The following USP9X variants were observed in gnomAD, a reference collection of about 807,000 sequenced individuals.
USP9X encodes the protein ubiquitin carboxyl-terminal hydrolase 9X.
In USP9X, 7 loss-of-function variants were observed where a neutral mutation model predicts 190.3. That is an observed-to-expected ratio of 0.04 (90% CI 0.02 to 0.07). The LOEUF is 0.07. Ranked by LOEUF, USP9X falls within the 10% of genes least tolerant of loss-of-function variation. The pLI, the probability that USP9X is intolerant of heterozygous loss-of-function variation, is 1.00. For missense variants in USP9X, 1,010 were observed against 1,916.9 expected (o/e 0.53, Z 8.83); for synonymous variants, 645 against 659.5 (o/e 0.98, Z 0.34).
chrX:41,136,131 A>G (rs1601961787), intron 5 of USP9X, among the ~76,000 whole-genome samples: 2 of 112,178 alleles, frequency 1.8e-5, no homozygotes, highest in Middle Eastern at 9.3e-3. Flanking sequence ...TAGCAAATTT[A>G]TCTTGGATGA....
intron 31 of USP9X, among the ~76,000 whole-genome samples, chrX:41,202,320 G>T (rs143430855): frequency 1.8e-5 from 2 of 112,054 alleles, no homozygotes; most frequent in African/African-American, 6.5e-5. Flanking sequence ...AAGTTGAGTT[G>T]TAGTGGCGAA....
intron 1 of USP9X, among the ~76,000 whole-genome samples, chrX:41,095,556 G>T (rs1176575450): frequency 1.8e-5 from 2 of 112,098 alleles, no homozygotes; most frequent in African/African-American, 6.5e-5. Flanking sequence ...CAATGCAAGT[G>T]TGAAAGTATA....
At position 41,118,014 on chromosome X, in the gene USP9X, C is replaced by T. The variant is rs747558599; in HGVS notation, c.-158-5457C>T. The stretch of plus-strand genomic sequence containing the variant: ...CTGGGATTACAGGTGTGCGCCACCA[C>T]GCCCAGCTAATTTTTGTATTTTTAG... On this transcript the variant is annotated intron_variant, in intron 1 of 44. Coordinates refer to ENST00000378308, the MANE Select transcript of USP9X (RefSeq NM_001039591.3). 2.8e-3 allele frequency among the ~76,000 whole-genome samples: 311 copies of T among 111,265 alleles called. 2 individuals are homozygous for T. The highest frequency in any genetic ancestry group is 4.5e-3 in the Non-Finnish European group (241 of 52,999).
In USP9X at chrX:41,130,221, T is replaced by C. The variant is rs1208519778; in HGVS notation, c.242+1076T>C. On this transcript the variant is annotated intron_variant, in intron 3 of 44. Transcript: ENST00000378308. Reference sequence around the variant, plus strand: ...AAATTCCATTGTTTTTAATTATATATTTATAAGAATACATTGTGTGATTCT... The same window carrying C: ...AAATTCCATTGTTTTTAATTATATACTTATAAGAATACATTGTGTGATTCT... Among the ~76,000 whole-genome samples the C allele has an allele frequency of 4.5e-5, 5 of 111,504 alleles. No individual in the cohort carries two copies. In the East Asian group the frequency reaches 1.4e-3, roughly 31 times the overall value.
chrX:41,134,162 C>T lies in USP9X; in HGVS notation c.323-563C>T, dbSNP rs779336390. 6.2e-5 allele frequency among the ~76,000 whole-genome samples: 7 copies of T among 112,202 alleles called. No individual in the cohort carries two copies. In the South Asian group the frequency reaches 2.6e-3, roughly 41 times the overall value. ...TAAATTACCATCTCTTTTGTACTAT[C>T]AATCAAATAATACTTTCTGTACAAA... On this transcript the variant is annotated intron_variant, in intron 4 of 44. Transcript: ENST00000378308.
chrX:41,208,861 C>T (rs749625931), intron 32 of USP9X, among the ~76,000 whole-genome samples: 53 of 110,345 alleles, frequency 4.8e-4, no homozygotes, highest in Non-Finnish European at 6.8e-4. Context: ...GCGCCTGCCA[C>T]CAATGCCCAG....
In USP9X at chrX:41,153,070, T is replaced by C; in HGVS notation, c.1886T>C (p.Leu629Pro). 2 of 1,207,311 alleles carry C rather than the reference T, an allele frequency of 1.7e-6. No homozygotes were observed. The highest frequency in any genetic ancestry group is 2.2e-6 in the Non-Finnish European group (2 of 893,401). Residue 629 changes from leucine to proline, a missense_variant, in exon 14 of 45, where the codon CTA becomes CCA. By Grantham distance (98) the Leu-to-Pro change is moderately conservative. Around this residue, in one of 11 missense-constraint regions of USP9X, gnomAD observed 104 missense variants for 239.8 expected, o/e 0.43. Coordinates refer to ENST00000378308, the MANE Select transcript of USP9X (RefSeq NM_001039591.3). ...NLATYMESMR[L>P]YARDHEDYDP... ...GCAACTTACATGGAAAGCATGAGACTATATGCTAGAGGTATGTATTGTAAG... is the reference window on the plus strand; with the variant it reads ...GCAACTTACATGGAAAGCATGAGACCATATGCTAGAGGTATGTATTGTAAG...
In USP9X at chrX:41,232,655, A is replaced by G. The variant is rs2063371612; in HGVS notation, c.*131A>G. 2 of 909,221 alleles carry G rather than the reference A, an allele frequency of 2.2e-6. No individual in the cohort carries two copies. The highest frequency in any genetic ancestry group is 3.0e-6 in the Non-Finnish European group (2 of 672,063). 74.9% of individuals were successfully genotyped at this position (909,221 alleles called of 1,213,427 possible). A position where few individuals can be genotyped will look rare whatever the true frequency, so the allele number is the denominator to read the frequency against. ...TCAACATGGAGTGGAGAGTTTATTCACTGTCTTATCTGCAGAAATTTGCTG... is the reference window on the plus strand; with the variant it reads ...TCAACATGGAGTGGAGAGTTTATTCGCTGTCTTATCTGCAGAAATTTGCTG... On this transcript the variant is annotated 3_prime_UTR_variant, in exon 45 of 45. Transcript: ENST00000378308.
At chrX:41,166,943 T>C (rs1327437605) in intron 16 of USP9X, among the ~76,000 whole-genome samples, 1 of 111,906 alleles carries the variant, frequency 8.9e-6, no homozygotes. Flanking sequence ...AAGGAAAATA[T>C]GTTTTCTTAC....
Position 41,184,013 on chromosome X carries a change from A to T in USP9X, c.3164A>T (p.Glu1055Val). The change falls in exon 22 of 45, where the codon GAA (glutamate) becomes GTA (valine). Residue 1055 changes from glutamate to valine, a missense_variant. Physicochemically the swap from Glu to Val is moderately radical, Grantham distance 121 (BLOSUM62 -2). Transcript: ENST00000378308. ...TTTCCTCCAGATAGCACAACGATAG[A>T]AAAATTAAGAGCTATTTGTTTAGAC... ...KLMPPDSTTI[E>V]KLRAICLDHA... 3 of 1,201,096 alleles carry T rather than the reference A, an allele frequency of 2.5e-6. No homozygotes were observed. The highest frequency in any genetic ancestry group is 3.4e-6 in the Non-Finnish European group (3 of 891,696).
At chrX:41,221,466 T>C (rs1194221626) in intron 38 of USP9X, among the ~76,000 whole-genome samples, 1 of 111,274 alleles carries the variant, frequency 9.0e-6, no homozygotes, top group Non-Finnish European at 1.9e-5. Context: ...GCATGGTACC[T>C]GAAGGGATTT....
chrX:41,178,087 T>C (rs2062792621), intron 21 of USP9X, among the ~76,000 whole-genome samples: 5 of 64,162 alleles, frequency 7.8e-5, no homozygotes, highest in South Asian at 1.8e-3. Flanking sequence ...TTTAAATCTT[T>C]TTTTTTTTTT....
rs2061906004 is a variant in USP9X at position 41,085,892 on chromosome X, G to A, written c.-376G>A. ...CCAAGGAGGAGGAGGAGGCGGGCGCGGCGAGGAGCGAGTTCCGGCGCCGGT... is the reference window on the plus strand; with the variant it reads ...CCAAGGAGGAGGAGGAGGCGGGCGCAGCGAGGAGCGAGTTCCGGCGCCGGT... On this transcript the variant is annotated 5_prime_UTR_variant, in exon 1 of 45. Coordinates refer to ENST00000378308, the MANE Select transcript of USP9X (RefSeq NM_001039591.3). 3.3e-6 allele frequency: 1 copy of A among 298,774 alleles called. No homozygotes were observed. The highest frequency in any genetic ancestry group is 5.8e-6 in the Non-Finnish European group (1 of 170,971). 24.6% of individuals were successfully genotyped at this position (298,774 alleles called of 1,213,427 possible). A position where few individuals can be genotyped will look rare whatever the true frequency, so the allele number is the denominator to read the frequency against.
Position 41,143,198 on chromosome X carries a change from G to T in USP9X, c.1162-93G>T, listed in dbSNP as rs2062437557. ...GTATTATATTTTGTAAATGTGTTTT[G>T]AATTTCCTTATATTATTTAATAATA... On this transcript the variant is annotated intron_variant, in intron 9 of 44. Transcript: ENST00000378308. 1.2e-5 allele frequency: 8 copies of T among 660,362 alleles called. No homozygotes were observed. In the South Asian group the frequency reaches 2.1e-4, roughly 17 times the overall value. 54.4% of individuals were successfully genotyped at this position (660,362 alleles called of 1,213,427 possible). A position where few individuals can be genotyped will look rare whatever the true frequency, so the allele number is the denominator to read the frequency against.
chrX:41,118,015 G>A (rs189133805), intron 1 of USP9X, among the ~76,000 whole-genome samples: 1 of 111,075 alleles, frequency 9.0e-6, no homozygotes, highest in East Asian at 2.8e-4. Context: ...GCGCCACCAC[G>A]CCCAGCTAAT....
intron 31 of USP9X, among the ~76,000 whole-genome samples, chrX:41,202,248 G>A (rs1261161794): frequency 1.8e-5 from 2 of 111,830 alleles, no homozygotes; most frequent in Admixed American, 9.5e-5. Flanking sequence ...ATAGTCTCAC[G>A]TAGTCTTGTG....
chrX:41,173,988 A>G (rs2062751351), intron 21 of USP9X, among the ~76,000 whole-genome samples: 1 of 111,858 alleles, frequency 8.9e-6, no homozygotes, highest in Non-Finnish European at 1.9e-5. Context: ...TTTTTACTGT[A>G]CCCTTTCTAT....
At chrX:41,098,139 CTT>C (rs1166570050) in intron 1 of USP9X, among the ~76,000 whole-genome samples, 2 of 100,829 alleles carry the variant, frequency 2.0e-5, no homozygotes, top group Non-Finnish European at 2.0e-5. Context: ...ACCCTGACCT[CTT>C]TTTTTTTTTT....
intron 14 of USP9X, among the ~76,000 whole-genome samples, chrX:41,154,322 A>G (rs1291490413): frequency 8.9e-6 from 1 of 111,758 alleles, no homozygotes; most frequent in Non-Finnish European, 1.9e-5. Flanking sequence ...TGACATAAAA[A>G]AGAGGTTTAT....
Sources: allele counts gnomAD v4.1 joint callset (sites outside exome capture counted in the v4.1 genomes callset), GRCh38; gene constraint gnomAD v4.1.1; regional missense constraint gnomAD v4.1.1; transcripts MANE v1.5; gene names NCBI Gene and HGNC (gene_info 2026-07-23, HGNC 2026-07-21).